The following REEP1 variants were observed in gnomAD, a reference collection of about 807,000 sequenced individuals.
REEP1 encodes receptor expression-enhancing protein 1.
REEP1 carries 22 observed loss-of-function variants against 40.3 expected under a neutral mutation model. The observed-to-expected ratio is 0.55, with a 90% CI of 0.39 to 0.78. REEP1 has a LOEUF of 0.78. REEP1 is among the 30% of genes least tolerant of loss of function. The probability of loss-of-function intolerance (pLI) is 0.00; values close to 1 mark genes in which losing one functional copy is unlikely to be tolerated. For missense variants in REEP1, 280 were observed against 361.1 expected (o/e 0.78, Z 1.82); for synonymous variants, 116 against 139.2 (o/e 0.83, Z 1.17).
chr2:86,251,940 T>G lies in REEP1; in HGVS notation c.417+17A>C. 6.4e-7 allele frequency: 1 copy of G among 1,573,072 alleles called. No homozygotes were observed. Among genetic ancestry groups the G allele is most frequent in the Non-Finnish European group, 8.7e-7 (1 of 1,143,392 alleles). ...GGGACTGAGACTCATGTAGTTGTGG[T>G]ACTTCCAGCACAGTACCTTGGAAGC... On this transcript the variant is annotated intron_variant, in intron 5 of 8. Transcript: ENST00000538924.
intron 5 of REEP1, among the ~76,000 whole-genome samples, chr2:86,236,845 T>C (rs185668502): frequency 2.6e-4 from 39 of 152,258 alleles, no homozygotes; most frequent in South Asian, 1.0e-3. Flanking sequence ...ACGCATTCTC[T>C]TGCCTCAACC....
In REEP1 at chr2:86,251,046, A is replaced by G. The variant is rs1339145537; in HGVS notation, c.417+911T>C. Reference sequence around the variant, plus strand: ...GGGACAAACTTCCTTATGCTAATACAACTCACCTCCCAACCACTGTGTCTT... The same window carrying G: ...GGGACAAACTTCCTTATGCTAATACGACTCACCTCCCAACCACTGTGTCTT... On this transcript the variant is annotated intron_variant, in intron 5 of 8. Transcript: ENST00000538924. Among the ~76,000 whole-genome samples the G allele has an allele frequency of 2.0e-5, 3 of 152,132 alleles. No individual in the cohort carries two copies. In the East Asian group the frequency reaches 5.8e-4, roughly 29 times the overall value.
rs372168415 is a variant in REEP1 at position 86,227,385 on chromosome 2, G to A, written c.609C>T (p.Cys203=). Residue 203 remains cysteine (C), a synonymous_variant, in exon 7 of 9, where the codon TGC becomes TGT. Transcript: ENST00000538924. ...CACCTTTCCAGGTCCTGCAGGTGGA[G>A]CAGCAGGTACACACTGTGGGAATGG... ...ESASSSVCTC[C]STCRTWKVVE... is the part of the protein sequence containing the mutation. 7 of 1,232,370 alleles carry A rather than the reference G, an allele frequency of 5.7e-6. No homozygotes were observed. The highest frequency in any genetic ancestry group is 3.2e-5 in the East Asian group (1 of 31,714). The allele number at this position is 1,232,370 out of a possible 1,614,324, so 76.3% of individuals were successfully genotyped here. A position where few individuals can be genotyped will look rare whatever the true frequency, so the allele number is the denominator to read the frequency against.
chr2:86,328,507 C>T (rs975556478), intron 1 of REEP1, among the ~76,000 whole-genome samples: 39 of 152,248 alleles, frequency 2.6e-4, no homozygotes, highest in Admixed American at 2.0e-3. Flanking sequence ...GGTGAAACCC[C>T]GTCTCTACTA....
At chr2:86,324,759 T>C (rs994286858) in intron 1 of REEP1, among the ~76,000 whole-genome samples, 1 of 152,160 alleles carries the variant, frequency 6.6e-6, no homozygotes, top group Non-Finnish European at 1.5e-5. Context: ...AACTGTCCTC[T>C]GCCTCAGCCA....
intron 3 of REEP1, among the ~76,000 whole-genome samples, chr2:86,255,197 C>G (rs2104247984): frequency 6.6e-6 from 1 of 152,132 alleles, no homozygotes; most frequent in East Asian, 1.9e-4. Context: ...ACGCTGTACA[C>G]CCAGTCACTC....
chr2:86,281,839 A>G (rs1678112254), intron 2 of REEP1, among the ~76,000 whole-genome samples: 1 of 152,118 alleles, frequency 6.6e-6, no homozygotes, highest in Admixed American at 6.6e-5. Context: ...ACGGTGCTTT[A>G]AGGTCTACAG....
At chr2:86,309,984 G>A (rs933298411) in intron 1 of REEP1, among the ~76,000 whole-genome samples, 1 of 152,112 alleles carries the variant, frequency 6.6e-6, no homozygotes, top group Non-Finnish European at 1.5e-5. Context: ...AGGGCAGGTC[G>A]TGCAGCACAA....
chr2:86,320,180 CA>C (rs1274857053), intron 1 of REEP1, among the ~76,000 whole-genome samples: 3 of 152,202 alleles, frequency 2.0e-5, no homozygotes, highest in Non-Finnish European at 4.4e-5. Flanking sequence ...TAAAAACACC[CA>C]TTCTCTAGTC....
chr2:86,238,071 C>T (rs1169125603), intron 5 of REEP1, among the ~76,000 whole-genome samples: 9 of 152,160 alleles, frequency 5.9e-5, no homozygotes, highest in Non-Finnish European at 1.3e-4. Flanking sequence ...ATCCCAGCTA[C>T]TCTGGAGGCT....
intron 1 of REEP1, among the ~76,000 whole-genome samples, chr2:86,324,578 G>A (rs901551194): frequency 6.6e-6 from 1 of 152,152 alleles, no homozygotes; most frequent in Admixed American, 6.5e-5. Flanking sequence ...AAGAACAAAT[G>A]GTGGAGCACT....
At chr2:86,225,522 C>T (rs1394596242) in intron 7 of REEP1, among the ~76,000 whole-genome samples, 13 of 152,212 alleles carry the variant, frequency 8.5e-5, no homozygotes, top group African/African-American at 2.4e-4. Flanking sequence ...CTGCCTGCCT[C>T]GGTCTCCCAA....
intron 7 of REEP1, among the ~76,000 whole-genome samples, chr2:86,223,268 T>A (rs1384879467): frequency 6.6e-6 from 1 of 152,032 alleles, no homozygotes; most frequent in African/African-American, 2.4e-5. Context: ...AGGCTCCACC[T>A]CTTCTCTCTG....
rs1356865335 is a variant in REEP1, at chr2:86,217,115, T to C, written c.784-5A>G. ...TCGAAGGATTCTAGGCGGTGCCTGG[T>C]AGAGAAAACAGAAAGGTGTCCCTCA... On this transcript the variant is annotated splice_region_variant and splice_polypyrimidine_tract_variant and intron_variant, in intron 8 of 8. Transcript: ENST00000538924. 9 of 1,613,148 alleles carry C rather than the reference T, an allele frequency of 5.6e-6. 1 individual carries two copies. The highest frequency in any genetic ancestry group is 7.6e-6 in the Non-Finnish European group (9 of 1,179,252).
intron 4 of REEP1, 53 bp from the exon 5 acceptor site, chr2:86,252,123 T>C: frequency 8.0e-7 from 1 of 1,248,522 alleles, no homozygotes; most frequent in South Asian, 1.2e-5. Flanking sequence ...AACACATCTC[T>C]GTTTTCTTTC....
chr2:86,244,670 G>A (rs1445027104), intron 5 of REEP1, among the ~76,000 whole-genome samples: 1 of 152,192 alleles, frequency 6.6e-6, no homozygotes, highest in East Asian at 1.9e-4. Context: ...CCAAGGAGCT[G>A]AGTAGGTAAG....
At chr2:86,331,643 C>A (rs1680769411) in intron 1 of REEP1, among the ~76,000 whole-genome samples, 1 of 152,156 alleles carries the variant, frequency 6.6e-6, no homozygotes, top group Admixed American at 6.5e-5. Context: ...CAGGAGGCAC[C>A]TTTGTCCTAG....
intron 1 of REEP1, among the ~76,000 whole-genome samples, chr2:86,332,057 T>C (rs1160526541): frequency 6.6e-6 from 1 of 152,104 alleles, no homozygotes; most frequent in Non-Finnish European, 1.5e-5. Flanking sequence ...ATTTCCTTTT[T>C]CCCTGTATTC....
At chr2:86,331,240 C>A (rs942820782) in intron 1 of REEP1, among the ~76,000 whole-genome samples, 1 of 152,218 alleles carries the variant, frequency 6.6e-6, no homozygotes, top group African/African-American at 2.4e-5. Context: ...AGCTCCAAAT[C>A]AAGAAACCCT....
Sources: gnomAD v4.1 joint callset for allele counts (sites outside exome capture counted in the v4.1 genomes callset) on GRCh38, gnomAD v4.1.1 for gene constraint, MANE v1.5 for transcripts, NCBI Gene and HGNC (gene_info 2026-07-23, HGNC 2026-07-21) for gene names.